The following ATP5MC2 variants were observed in gnomAD, a reference collection of about 807,000 sequenced individuals.
The protein encoded by ATP5MC2 is ATP synthase membrane subunit c locus 2, also known as ATP synthase F(0) complex subunit C2, mitochondrial.
ATP5MC2 carries 11 observed loss-of-function variants against 13.5 expected under a neutral mutation model. That is an observed-to-expected ratio of 0.81 (90% CI 0.51 to 1.35). The LOEUF (loss-of-function observed/expected upper bound fraction) is 1.35, where lower values mean the gene tolerates loss of function less well. ATP5MC2 is among the 40% of genes most tolerant of loss of function. The pLI, the probability that ATP5MC2 is intolerant of heterozygous loss-of-function variation, is 0.00. For missense variants in ATP5MC2, 132 were observed against 175.0 expected (o/e 0.75, Z 1.39); for synonymous variants, 64 against 69.7 (o/e 0.92, Z 0.41).
intron 1 of ATP5MC2, 92 bp from the exon 2 acceptor site, chr12:53,672,737 C>G: frequency 8.4e-7 from 1 of 1,185,896 alleles, no homozygotes; most frequent in Non-Finnish European, 1.2e-6. Context: ...CTTAACTGGC[C>G]CAGAAAACAG....
chr12:53,665,420 G>T lies in ATP5MC2; in HGVS notation c.320C>A (p.Ser107Tyr). 1 of 1,613,496 alleles carries T rather than the reference G, an allele frequency of 6.2e-7. No individual in the cohort carries two copies. Among genetic ancestry groups the T allele is most frequent in the South Asian group, 1.1e-5 (1 of 91,068 alleles). ...SLIIGYARNP[S>Y]LKQQLFSYAI... is the part of the protein sequence containing the mutation. ...GTAGGAGAAGAGCTGTTGCTTCAGA[G>T]AAGGGTTCCTGGTAGAAGGAGAAGA... Residue 107 changes from serine to tyrosine, a missense_variant, in exon 5 of 5, where the codon TCT becomes TAT. Ser to Tyr is a moderately radical substitution (Grantham distance 144, BLOSUM62 -2). Coordinates refer to ENST00000394349, the MANE Select transcript of ATP5MC2 (RefSeq NM_005176.7).
rs181221690 is a variant in ATP5MC2, at chr12:53,669,493, G to A, written c.118-152C>T. On this transcript the variant is annotated intron_variant, in intron 3 of 4. Coordinates refer to ENST00000394349, the MANE Select transcript of ATP5MC2 (RefSeq NM_005176.7). ...ATGCTGGCAAGTAGAACCTTTTAACGTAGGATGTAGACTTCAAATGCCTTT... is the reference window on the plus strand; with the variant it reads ...ATGCTGGCAAGTAGAACCTTTTAACATAGGATGTAGACTTCAAATGCCTTT... 3.2e-4 allele frequency: 451 copies of A among 1,402,008 alleles called. 3 individuals are homozygous for A. In the African/African-American group the frequency reaches 3.3e-3, roughly 10 times the overall value. The allele number at this position is 1,402,008 out of a possible 1,614,324, so 86.8% of individuals were successfully genotyped here.
chr12:53,668,737 G>A (rs1019409943), intron 4 of ATP5MC2, among the ~76,000 whole-genome samples: 1 of 152,104 alleles, frequency 6.6e-6, no homozygotes, highest in Non-Finnish European at 1.5e-5. Context: ...CTAAAATTCA[G>A]GTCAAGCGCG....
intron 1 of ATP5MC2, 86 bp from the exon 2 acceptor site, chr12:53,672,731 A>G (rs1334363705): frequency 8.0e-7 from 1 of 1,255,936 alleles, no homozygotes; most frequent in Non-Finnish European, 1.1e-6. Flanking sequence ...AGAAAGCTTA[A>G]CTGGCCCAGA....
At position 53,669,872 on chromosome 12, in the gene ATP5MC2, T is replaced by TC. The variant is rs1945041586; in HGVS notation, c.115dup (p.Glu39GlyfsTer18). Reference sequence around the variant, plus strand: ...AGTCCCAACTCCACTGTAAGGTACCTCATCTGTCAGTATCTCCGGTCGTTT... The same window carrying TC: ...AGTCCCAACTCCACTGTAAGGTACCTCCATCTGTCAGTATCTCCGGTCGTTT... On this transcript the variant is annotated frameshift_variant and splice_region_variant, in exon 3 of 5. Coordinates refer to ENST00000394349, the MANE Select transcript of ATP5MC2 (RefSeq NM_005176.7). LOFTEE classifies it high-confidence loss of function. The TC allele has an allele frequency of 6.2e-7, 1 of 1,613,612 alleles. No individual in the cohort carries two copies.
intron 1 of ATP5MC2, among the ~76,000 whole-genome samples, chr12:53,674,887 G>C (rs781148227): frequency 6.6e-6 from 1 of 152,102 alleles, no homozygotes; most frequent in Non-Finnish European, 1.5e-5. Context: ...GTTCTTTAAG[G>C]CTTTTAGAAA....
rs541033598 is a variant in ATP5MC2, at chr12:53,669,133, T to C, written c.311+15A>G. ...AGCATATCAGATAACCAGTGGAGGG[T>C]CCAACTTATCTTACCTGGCATAACC... On this transcript the variant is annotated intron_variant, in intron 4 of 4. Coordinates refer to ENST00000394349, the MANE Select transcript of ATP5MC2 (RefSeq NM_005176.7). 1.2e-4 allele frequency: 188 copies of C among 1,595,310 alleles called. 2 individuals are homozygous for C. The South Asian group carries it at 2.0e-3, about 17-fold the overall frequency.
At chr12:53,679,293 G>A (rs1945328726), upstream of ATP5MC2, among the ~76,000 whole-genome samples, 1 of 150,000 alleles carries the variant, frequency 6.7e-6, no homozygotes, top group Non-Finnish European at 1.5e-5. Flanking sequence ...AGGGCACAGA[G>A]AAATGCGAAG....
upstream of ATP5MC2, chr12:53,677,525 A>C (rs1222545201): frequency 1.3e-5 from 2 of 152,204 alleles, no homozygotes; most frequent in Non-Finnish European, 2.9e-5. Context: ...CCGATCCTCC[A>C]TCTGCATTTT....
At chr12:53,679,238 C>CGAGAGAGAGAGAGAGAGA (rs59340879), upstream of ATP5MC2, among the ~76,000 whole-genome samples, 289 of 127,746 alleles carry the variant, frequency 2.3e-3, 15 homozygotes, top group African/African-American at 8.6e-3. Flanking sequence ...ATTTTAAAAA[C>CGAGAGAGAGAGAGAGAGA]GAGAGAGAGA....
upstream of ATP5MC2, among the ~76,000 whole-genome samples, chr12:53,678,294 G>T (rs1379312491): frequency 2.6e-5 from 4 of 152,040 alleles, no homozygotes; most frequent in Non-Finnish European, 4.4e-5. Flanking sequence ...AAGGTACTTG[G>T]TACCCAGTAA....
At chr12:53,675,204 C>T (rs181844156) in intron 1 of ATP5MC2, among the ~76,000 whole-genome samples, 1 of 151,968 alleles carries the variant, frequency 6.6e-6, no homozygotes, top group East Asian at 1.9e-4. Flanking sequence ...AGTAACTTAA[C>T]TATTCCTTTC....
At chr12:53,676,496 C>A, upstream of ATP5MC2, 1 of 292,086 alleles carries the variant, frequency 3.4e-6, no homozygotes, top group Non-Finnish European at 6.5e-6. Context: ...TCTTGGGAGT[C>A]CTGCTTTCTG....
At chr12:53,677,691 A>G (rs1945310990), upstream of ATP5MC2, among the ~76,000 whole-genome samples, 1 of 152,116 alleles carries the variant, frequency 6.6e-6, no homozygotes, top group East Asian at 1.9e-4. Context: ...CCAAATCTCC[A>G]GTTTTAGTTG....
chr12:53,669,910 A>G lies in ATP5MC2; in HGVS notation c.78T>C (p.Ser26=), dbSNP rs958186001. ...STSQLLSRPL[S]AVVLKRPEIL... ...TCTCCGGTCGTTTCAGCACCACTGC[A>G]GATAGCGGACGGCTCAGCAGCTGTG... is the stretch of plus-strand genomic sequence containing the variant. Residue 26 remains serine, a synonymous_variant, in exon 3 of 5, where the codon TCT becomes TCC. Coordinates refer to ENST00000394349, the MANE Select transcript of ATP5MC2 (RefSeq NM_005176.7). The G allele has an allele frequency of 8.7e-6, 14 of 1,613,922 alleles. No homozygotes were observed. Among genetic ancestry groups the G allele is most frequent in the Admixed American group, 5.0e-5 (3 of 59,988 alleles).
chr12:53,672,659 A>C lies in ATP5MC2; in HGVS notation c.-31-14T>G, dbSNP rs1945136918. On this transcript the variant is annotated splice_polypyrimidine_tract_variant and intron_variant, in intron 1 of 4. Coordinates refer to ENST00000394349, the MANE Select transcript of ATP5MC2 (RefSeq NM_005176.7). Reference sequence around the variant, plus strand: ...GTGGCAGGAGAGCTGGAATTACAGAAGCAGTATTGTAAACGCTCCTTATTC... The same window carrying C: ...GTGGCAGGAGAGCTGGAATTACAGACGCAGTATTGTAAACGCTCCTTATTC... 1.3e-6 allele frequency: 2 copies of C among 1,565,610 alleles called. No individual in the cohort carries two copies. Among genetic ancestry groups the C allele is most frequent in the Non-Finnish European group, 1.7e-6 (2 of 1,154,092 alleles).
intron 2 of ATP5MC2, among the ~76,000 whole-genome samples, chr12:53,670,687 G>A (rs958397036): frequency 1.3e-5 from 2 of 150,890 alleles, no homozygotes; most frequent in African/African-American, 2.4e-5. Context: ...TCGTGATCTC[G>A]GCTCGGCTCA....
At chr12:53,669,573 G>A (rs1197989248) in intron 3 of ATP5MC2, among the ~76,000 whole-genome samples, 1 of 152,114 alleles carries the variant, frequency 6.6e-6, no homozygotes, top group Non-Finnish European at 1.5e-5. Flanking sequence ...TATTCTTGCT[G>A]CCCCAAGGAG....
Position 53,675,758 on chromosome 12 carries a change from AGT to A in ATP5MC2, c.-32+293_-32+294del, listed in dbSNP as rs1461910680. 2.6e-5 allele frequency among the ~76,000 whole-genome samples: 4 copies of A among 152,298 alleles called. No individual in the cohort carries two copies. The East Asian group carries it at 7.7e-4, about 29-fold the overall frequency. ...TGAAAGGGCCAGAGGGCGAGAAAAG[AGT>A]GTTTGCAGGGACTGGGTGGAACAGG... is the stretch of plus-strand genomic sequence containing the variant. On this transcript the variant is annotated intron_variant, in intron 1 of 4. Transcript: ENST00000394349.
Sources: gnomAD v4.1 joint callset for allele counts (sites outside exome capture counted in the v4.1 genomes callset) on GRCh38, gnomAD v4.1.1 for gene constraint, MANE v1.5 for transcripts, NCBI Gene and HGNC (gene_info 2026-07-23, HGNC 2026-07-21) for gene names.